FAM135B: variants seen among roughly 807,000 people sequenced by gnomAD.
The protein encoded by FAM135B is protein FAM135B.
FAM135B carries 43 observed loss-of-function variants against 127.7 expected under a neutral mutation model. The ratio of observed to expected loss-of-function variants is 0.34; its 90% CI spans 0.26 to 0.43. The LOEUF is 0.43. Ranked by LOEUF, FAM135B falls within the 20% of genes least tolerant of loss-of-function variation. FAM135B has a pLI of 1.00. For missense variants in FAM135B, 1,558 were observed against 1,725.6 expected, an observed-to-expected ratio of 0.90 and a Z score of 1.72; for synonymous variants, 670 against 665.1, an observed-to-expected ratio of 1.01 and a Z score of -0.11.
At position 138,148,475 on chromosome 8, in the gene FAM135B, G is replaced by T. The variant is rs752620799; in HGVS notation, c.3448+45C>A. The T allele has an allele frequency of 1.1e-5, 16 of 1,490,900 alleles. No individual in the cohort carries two copies. In the East Asian group the frequency reaches 3.6e-4, roughly 34 times the overall value. The allele number at this position is 1,490,900 out of a possible 1,614,324, so 92.4% of individuals were successfully genotyped here. ...AATTAATACATAAATATTATAAGTT[G>T]TATATATGACAGAATTTGGGAAGAA... On this transcript the variant is annotated intron_variant, in intron 14 of 19. Transcript: ENST00000395297.
At chr8:138,487,777 G>A (rs1374843865) in intron 1 of FAM135B, among the ~76,000 whole-genome samples, 2 of 152,094 alleles carry the variant, frequency 1.3e-5, no homozygotes, top group Non-Finnish European at 1.5e-5. Context: ...CAAGGTGGGA[G>A]GATCACTTGA....
intron 3 of FAM135B, among the ~76,000 whole-genome samples, chr8:138,278,686 C>A (rs958379383): frequency 1.3e-5 from 2 of 150,912 alleles, no homozygotes; most frequent in African/African-American, 2.4e-5. Context: ...CCTCAGCCTC[C>A]CAAGTAGCTG....
At chr8:138,203,710 G>A (rs1428804367) in intron 7 of FAM135B, among the ~76,000 whole-genome samples, 3 of 152,112 alleles carry the variant, frequency 2.0e-5, no homozygotes, top group Non-Finnish European at 2.9e-5. Flanking sequence ...ATGAACCGAA[G>A]GTATGGGGGA....
chr8:138,135,508 T>A (rs1005757085), intron 19 of FAM135B, among the ~76,000 whole-genome samples: 1 of 152,128 alleles, frequency 6.6e-6, no homozygotes, highest in African/African-American at 2.4e-5. Flanking sequence ...TAAGCAAATA[T>A]CTTTAAATTA....
chr8:138,267,284 C>A (rs1270815535), intron 3 of FAM135B, among the ~76,000 whole-genome samples: 1 of 152,138 alleles, frequency 6.6e-6, no homozygotes. Flanking sequence ...CTCACCAGAA[C>A]CTGACCATGC....
intron 9 of FAM135B, among the ~76,000 whole-genome samples, chr8:138,184,646 GA>G (rs1390039615): frequency 1.3e-5 from 2 of 152,168 alleles, no homozygotes; most frequent in Non-Finnish European, 2.9e-5. Context: ...CACTGCTGCA[GA>G]AAAGACCGGG....
chr8:138,284,669 C>T (rs1442085338), intron 3 of FAM135B, among the ~76,000 whole-genome samples: 2 of 151,796 alleles, frequency 1.3e-5, no homozygotes, highest in African/African-American at 2.4e-5. Context: ...TCCTTGTGGA[C>T]CCAGAGGCTT....
chr8:138,411,808 A>G (rs953620763), intron 1 of FAM135B, among the ~76,000 whole-genome samples: 7 of 152,308 alleles, frequency 4.6e-5, no homozygotes, highest in African/African-American at 1.4e-4. Flanking sequence ...ACAAAGACAT[A>G]GAGTCATCCT....
In FAM135B at chr8:138,146,064, A is replaced by C; in HGVS notation, c.3449-14T>G. 1 of 1,429,292 alleles carries C rather than the reference A, an allele frequency of 7.0e-7. No homozygotes were observed. Among genetic ancestry groups the C allele is most frequent in the Non-Finnish European group, 9.9e-7 (1 of 1,013,896 alleles). The allele number at this position is 1,429,292 out of a possible 1,614,324, so 88.5% of individuals were successfully genotyped here. ...CTGCACTGTTCCCTAAAAATGACAG[A>C]TAACCCCCATCCCAGTCCCGTAGTT... On this transcript the variant is annotated splice_polypyrimidine_tract_variant and intron_variant, in intron 14 of 19. Transcript: ENST00000395297.
rs372240121 is a variant in FAM135B, at chr8:138,375,981, T to C, written c.-19-7979A>G. Among the ~76,000 whole-genome samples the C allele has an allele frequency of 1.5e-4, 23 of 152,248 alleles. 1 individual carries two copies. The highest frequency in any genetic ancestry group is 1.1e-3 in the Admixed American group (17 of 15,292). ...AACTGGGTTCAGCCTTCAGTCCTTA[T>C]TTTTTTGCTTGTTTTGTTTTGTTTT... is the stretch of plus-strand genomic sequence containing the variant. On this transcript the variant is annotated intron_variant, in intron 1 of 19. Coordinates refer to ENST00000395297, the MANE Select transcript of FAM135B (RefSeq NM_015912.4).
chr8:138,364,296 C>T (rs1490054565), intron 2 of FAM135B, among the ~76,000 whole-genome samples: 1 of 151,950 alleles, frequency 6.6e-6, no homozygotes, highest in Non-Finnish European at 1.5e-5. Flanking sequence ...GGCATCATGC[C>T]CAGTCTGTCC....
intron 1 of FAM135B, among the ~76,000 whole-genome samples, chr8:138,382,763 C>A (rs528635884): frequency 9.9e-5 from 15 of 152,256 alleles, no homozygotes; most frequent in African/African-American, 3.6e-4. Flanking sequence ...CAATGAATTG[C>A]AATTTAGAAA....
intron 1 of FAM135B, among the ~76,000 whole-genome samples, chr8:138,485,919 G>T (rs549201598): frequency 1.3e-5 from 2 of 152,060 alleles, no homozygotes; most frequent in Non-Finnish European, 2.9e-5. Context: ...GTGGCTAAGG[G>T]GAGTAGAAGA....
At chr8:138,195,037 T>C (rs370486785) in intron 9 of FAM135B, among the ~76,000 whole-genome samples, 64 of 152,356 alleles carry the variant, frequency 4.2e-4, no homozygotes, top group African/African-American at 1.4e-3. Flanking sequence ...CAAAAATCTG[T>C]TAACATGTTT....
chr8:138,229,685 G>A (rs1429118845), intron 7 of FAM135B, among the ~76,000 whole-genome samples: 2 of 152,142 alleles, frequency 1.3e-5, no homozygotes, highest in African/African-American at 4.8e-5. Context: ...ATAAAGAACT[G>A]CCCGAGACTG....
At chr8:138,137,329 G>A (rs2130544156) in intron 18 of FAM135B, 69 bp from the exon 19 acceptor site, 1 of 867,682 alleles carries the variant, frequency 1.2e-6, no homozygotes, top group South Asian at 1.3e-5. Flanking sequence ...CTGGAAATTT[G>A]CACAAATTTC....
intron 1 of FAM135B, chr8:138,425,360 G>A (rs570405388): frequency 2.0e-5 from 3 of 152,168 alleles, no homozygotes; most frequent in Non-Finnish European, 4.4e-5. Context: ...ATAGCTTTCA[G>A]GCCACAAGCA....
chr8:138,141,114 C>A lies in FAM135B; in HGVS notation c.3790+84G>T. ...AAAAGACTGCACAGTCACAGGGTTCCAAGTGGAAGTACCTGTGCCCGGTTT... is the reference window on the plus strand; with the variant it reads ...AAAAGACTGCACAGTCACAGGGTTCAAAGTGGAAGTACCTGTGCCCGGTTT... On this transcript the variant is annotated intron_variant, in intron 17 of 19. Transcript: ENST00000395297. This position sits in a 1 kb window ranked among gnomAD's most constrained non-coding sequence, Gnocchi z 4.7. 7.4e-7 allele frequency: 1 copy of A among 1,346,268 alleles called. No homozygotes were observed. Among genetic ancestry groups the A allele is most frequent in the East Asian group, 2.3e-5 (1 of 42,738 alleles). 83.4% of individuals were successfully genotyped at this position (1,346,268 alleles called of 1,614,324 possible).
chr8:138,405,190 G>A (rs1287626423), intron 1 of FAM135B, among the ~76,000 whole-genome samples: 1 of 151,762 alleles, frequency 6.6e-6, no homozygotes, highest in Non-Finnish European at 1.5e-5. Flanking sequence ...CATTTTCAAT[G>A]AGTAGTAATA....
Sources: gnomAD v4.1 joint callset for allele counts (sites outside exome capture counted in the v4.1 genomes callset) on GRCh38, gnomAD v4.1.1 for gene constraint, Gnocchi (gnomAD v3.1) non-coding constraint, MANE v1.5 for transcripts, NCBI Gene and HGNC (gene_info 2026-07-23, HGNC 2026-07-21) for gene names.